Variants in KNOP1 observed in about 807,000 individuals in gnomAD.
The protein encoded by KNOP1 is lysine-rich nucleolar protein 1.
KNOP1 carries 20 observed loss-of-function variants against 30.6 expected under a neutral mutation model. The observed-to-expected ratio is 0.65, with a 90% CI of 0.46 to 0.95. KNOP1 has a LOEUF of 0.95. Among genes scored for constraint, KNOP1 ranks in the 40% least tolerant of loss-of-function variants. The pLI is 0.00. For synonymous variants in KNOP1, 204 were observed against 210.0 expected (o/e 0.97, Z 0.25); for missense variants, 540 against 562.0 (o/e 0.96, Z 0.40).
At chr16:19,716,700 C>T (rs989811471) in intron 1 of KNOP1, among the ~76,000 whole-genome samples, 1 of 152,182 alleles carries the variant, frequency 6.6e-6, no homozygotes, top group Non-Finnish European at 1.5e-5. Flanking sequence ...TTCCGTTACC[C>T]CTGGTCAACC....
At position 19,707,225 on chromosome 16, in the gene KNOP1, T is replaced by G. The variant is rs1976427342; in HGVS notation, c.1066-4A>C. On this transcript the variant is annotated splice_region_variant and splice_polypyrimidine_tract_variant and intron_variant, in intron 4 of 4. Transcript: ENST00000219837. ...CCCACTGGCCAAACTGGGTTCCCTG[T>G]GAGGAGAGGAAAAAGGTGGCTATTT... is the stretch of plus-strand genomic sequence containing the variant. The G allele has an allele frequency of 2.5e-6, 4 of 1,607,946 alleles. No individual in the cohort carries two copies. The highest frequency in any genetic ancestry group is 3.4e-6 in the Non-Finnish European group (4 of 1,178,922).
chr16:19,713,468 T>C (rs1160068318), intron 2 of KNOP1, among the ~76,000 whole-genome samples: 2 of 152,160 alleles, frequency 1.3e-5, no homozygotes, highest in African/African-American at 4.8e-5. Flanking sequence ...GAGACTTCTG[T>C]CATAGATTTA....
rs764645476 is a variant in KNOP1 at position 19,707,090 on chromosome 16, C to G, written c.1197G>C (p.Arg399Ser). The G allele has an allele frequency of 6.2e-7, 1 of 1,614,070 alleles. No individual in the cohort carries two copies. The highest frequency in any genetic ancestry group is 1.3e-5 in the African/African-American group (1 of 74,944). Residue 399 changes from arginine to serine, a missense_variant, in exon 5 of 5, where the codon AGG becomes AGC. Arg to Ser is a moderately radical substitution (Grantham distance 110). Transcript: ENST00000219837. Reference protein sequence around the residue: ...SFSRPASTIARPNMALGKKAA... With the variant: ...SFSRPASTIASPNMALGKKAA... Reference sequence around the variant, plus strand: ...CCTTCTTGCCGAGGGCCATGTTGGGCCTTGCAATCGTGCTGGCGGGGCGGC... The same window carrying G: ...CCTTCTTGCCGAGGGCCATGTTGGGGCTTGCAATCGTGCTGGCGGGGCGGC...
rs1472022062 is a variant in KNOP1 at position 19,705,164 on chromosome 16, TTGA to T, written c.*1743_*1745del. 4.4e-6 allele frequency: 2 copies of T among 455,960 alleles called. No individual in the cohort carries two copies. Among genetic ancestry groups the T allele is most frequent in the Non-Finnish European group, 8.8e-6 (2 of 226,804 alleles). The allele number at this position is 455,960 out of a possible 1,614,324, so 28.2% of individuals were successfully genotyped here. On this transcript the variant is annotated 3_prime_UTR_variant, in exon 5 of 5. Transcript: ENST00000219837. ...TGTTACTGCCATCTTTGTACTAGCCTTGATGAAGCCAACACTGGAGATGATGGA... is the reference window on the plus strand; with the variant it reads ...TGTTACTGCCATCTTTGTACTAGCCTTGAAGCCAACACTGGAGATGATGGA...
Position 19,707,164 on chromosome 16 carries a change from TCA to T in KNOP1, c.1121_1122del (p.Leu374GlnfsTer36), listed in dbSNP as rs1976420183. 2 of 1,613,920 alleles carry T rather than the reference TCA, an allele frequency of 1.2e-6. No homozygotes were observed. The highest frequency in any genetic ancestry group is 2.2e-5 in the South Asian group (2 of 91,080). On this transcript the variant is annotated frameshift_variant, in exon 5 of 5. Transcript: ENST00000219837. LOFTEE classifies it low-confidence loss of function (END_TRUNC). The part of the protein sequence containing the change: ...TAGFENEDQK[L>X]KFLRLMGGFK... ...AAGCCACCCATAAGTCTGAGAAATT[TCA>T]GTTTTTGGTCCTCGTTCTCAAAACC...
chr16:19,710,514 A>G lies in KNOP1; in HGVS notation c.1060T>C (p.Trp354Arg). 1 of 1,612,958 alleles carries G rather than the reference A, an allele frequency of 6.2e-7. No individual in the cohort carries two copies. Residue 354 changes from tryptophan to arginine, a missense_variant, in exon 4 of 5, where the codon TGG becomes CGG. Transcript: ENST00000219837. ...GKTEASETRK[W>R]TGTQFGQWDT... Reference sequence around the variant, plus strand: ...AGCCCTAGCCCCAAACTTACCGTCCACTTCCTGGTTTCAGAAGCTTCCGTT... The same window carrying G: ...AGCCCTAGCCCCAAACTTACCGTCCGCTTCCTGGTTTCAGAAGCTTCCGTT...
chr16:19,707,146 C>T lies in KNOP1; in HGVS notation c.1141G>A (p.Gly381Ser), dbSNP rs1976417622. 2 of 1,613,946 alleles carry T rather than the reference C, an allele frequency of 1.2e-6. No homozygotes were observed. ...GAAGGGGACAGGTTTTTGAAGCCACCCATAAGTCTGAGAAATTTCAGTTTT... is the reference window on the plus strand; with the variant it reads ...GAAGGGGACAGGTTTTTGAAGCCACTCATAAGTCTGAGAAATTTCAGTTTT... ...DQKLKFLRLM[G>S]GFKNLSPSFS... is the part of the protein sequence containing the mutation. The change falls in exon 5 of 5, where the codon GGT (glycine) becomes AGT (serine). Residue 381 changes from glycine (G) to serine (S), a missense_variant. Physicochemically the swap from Gly to Ser is moderately conservative, Grantham distance 56. Transcript: ENST00000219837.
chr16:19,714,761 C>T lies in KNOP1; in HGVS notation c.275G>A (p.Arg92Gln), dbSNP rs548962099. The change falls in exon 2 of 5, where the codon CGG becomes CAG. Residue 92 changes from arginine (R) to glutamine (Q), a missense_variant. Coordinates refer to ENST00000219837, the MANE Select transcript of KNOP1 (RefSeq NM_001012991.3). ...VEPETTLPAR[R>Q]TEKSPSLRKQ... ...CCTGAGGCTGGGTGACTTCTCTGTC[C>T]GTCTAGCAGGCAGCGTGGTCTCAGG... 485 of 1,614,160 alleles carry T rather than the reference C, an allele frequency of 3.0e-4. 3 individuals are homozygous for T. The South Asian group carries it at 4.6e-3, about 15-fold the overall frequency.
rs979278979 is a variant in KNOP1 at position 19,703,646 on chromosome 16, G to A, written c.*3264C>T. On this transcript the variant is annotated 3_prime_UTR_variant, in exon 5 of 5. Transcript: ENST00000219837. ...TGCAATCATGGCTCACTGCAGCCGTGATGGAGGGTGGTGCTCAAACCAATG... is the reference window on the plus strand; with the variant it reads ...TGCAATCATGGCTCACTGCAGCCGTAATGGAGGGTGGTGCTCAAACCAATG... 2 of 151,692 alleles carry A rather than the reference G, an allele frequency of 1.3e-5. No individual in the cohort carries two copies. Among genetic ancestry groups the A allele is most frequent in the African/African-American group, 4.9e-5 (2 of 41,216 alleles). The allele number at this position is 151,692 out of a possible 1,614,324, so 9.4% of individuals were successfully genotyped here.
intron 2 of KNOP1, among the ~76,000 whole-genome samples, chr16:19,713,159 G>T (rs1976808281): frequency 6.6e-6 from 1 of 151,692 alleles, no homozygotes; most frequent in Admixed American, 6.6e-5. Flanking sequence ...GCAGTGGCAT[G>T]TCGGCCCACT....
chr16:19,710,464 G>A, intron 4 of KNOP1, 45 bp downstream of exon 4: 1 of 1,593,718 alleles, frequency 6.3e-7, no homozygotes, highest in Non-Finnish European at 8.6e-7. Flanking sequence ...AGCGTCGGGA[G>A]GCCGAGCGTG....
rs942453874 is a variant in KNOP1, at chr16:19,703,601, C to T, written c.*3309G>A. The T allele has an allele frequency of 2.6e-5, 4 of 151,120 alleles. No homozygotes were observed. Among genetic ancestry groups the T allele is most frequent in the Non-Finnish European group, 5.9e-5 (4 of 67,962 alleles). The allele number at this position is 151,120 out of a possible 1,614,324, so 9.4% of individuals were successfully genotyped here. On this transcript the variant is annotated 3_prime_UTR_variant, in exon 5 of 5. Transcript: ENST00000219837. ...TTTGGAATGGGGTCTTGCTCTGTCA[C>T]CCAGGCTGGAACACAGTGGTGCAAT...
Position 19,714,952 on chromosome 16 carries a change from T to C in KNOP1, c.84A>G (p.Arg28=). ...AATCATCATTGTTTAAAACTGAGTA[T>C]CGAGTCTCTGGTTCTTTGACCACTT... The part of the protein sequence containing the change: ...KKKVVKEPET[R]YSVLNNDDYF... Residue 28 remains arginine, a synonymous_variant, in exon 2 of 5, where the codon CGA becomes CGG. Transcript: ENST00000219837. The C allele has an allele frequency of 1.2e-6, 2 of 1,610,394 alleles. No individual in the cohort carries two copies. Among genetic ancestry groups the C allele is most frequent in the Non-Finnish European group, 1.7e-6 (2 of 1,179,044 alleles).
Position 19,718,177 on chromosome 16 carries a change from G to T in KNOP1, c.-22C>A, listed in dbSNP as rs1460840943. The T allele has an allele frequency of 2.0e-6, 3 of 1,481,228 alleles. No homozygotes were observed. Among genetic ancestry groups the T allele is most frequent in the Non-Finnish European group, 1.8e-6 (2 of 1,120,642 alleles). 91.8% of individuals were successfully genotyped at this position (1,481,228 alleles called of 1,614,324 possible). On this transcript the variant is annotated 5_prime_UTR_variant, in exon 1 of 5. Coordinates refer to ENST00000219837, the MANE Select transcript of KNOP1 (RefSeq NM_001012991.3). The stretch of plus-strand genomic sequence containing the variant: ...ACTCACCGGTGGGCGAAATTTCCCC[G>T]CCTCCACGTGAGAGCCAGCTCCGCC...
intron 4 of KNOP1, among the ~76,000 whole-genome samples, chr16:19,710,036 C>T (rs532130495): frequency 1.8e-4 from 27 of 152,242 alleles, no homozygotes; most frequent in Admixed American, 1.6e-3. Context: ...TCATGATCCT[C>T]GCACCCTCCT....
intron 2 of KNOP1, among the ~76,000 whole-genome samples, chr16:19,712,739 A>G (rs947237976): frequency 1.3e-5 from 2 of 152,244 alleles, no homozygotes; most frequent in Non-Finnish European, 2.9e-5. Context: ...GCCACACGGA[A>G]GGGCCGGACA....
rs780620689 is a variant in KNOP1, at chr16:19,714,306, T to C, written c.730A>G (p.Lys244Glu). Reference sequence around the variant, plus strand: ...GCCTCAACTTTGACTGGCTTCTTTTTACTTCCTTTCCTAGGGCTGCTCTCC... The same window carrying C: ...GCCTCAACTTTGACTGGCTTCTTTTCACTTCCTTTCCTAGGGCTGCTCTCC... ...SMESSPRKGS[K>E]KKPVKVEAPE... The change falls in exon 2 of 5, where the codon AAA becomes GAA. Residue 244 changes from lysine to glutamate, a missense_variant. Coordinates refer to ENST00000219837, the MANE Select transcript of KNOP1 (RefSeq NM_001012991.3). 6.2e-7 allele frequency: 1 copy of C among 1,614,192 alleles called. No homozygotes were observed. The highest frequency in any genetic ancestry group is 8.5e-7 in the Non-Finnish European group (1 of 1,180,030).
intron 2 of KNOP1, among the ~76,000 whole-genome samples, chr16:19,712,698 A>G (rs55996374): frequency 0.18 from 27,763 of 152,218 alleles, 2,708 homozygotes; most frequent in South Asian, 0.26. Context: ...GTCTGGGCAT[A>G]CAGTAAACAC....
At chr16:19,716,639 G>C (rs1163186080) in intron 1 of KNOP1, 1 of 152,210 alleles carries the variant, frequency 6.6e-6, no homozygotes, top group Non-Finnish European at 1.5e-5. Context: ...AACAGAACAA[G>C]CCTGAGACAA....
Sources: gnomAD v4.1 joint callset for allele counts (sites outside exome capture counted in the v4.1 genomes callset) on GRCh38, gnomAD v4.1.1 for gene constraint, MANE v1.5 for transcripts, NCBI Gene and HGNC (gene_info 2026-07-23, HGNC 2026-07-21) for gene names.